Variants in PSMA1 observed in about 807,000 individuals in gnomAD.
PSMA1 encodes proteasome subunit alpha type-1.
PSMA1 carries 3 observed loss-of-function variants against 38.4 expected under a neutral mutation model. The observed-to-expected ratio is 0.08, with a 90% confidence interval of 0.04 to 0.20. The LOEUF is 0.20. Among genes scored for constraint, PSMA1 ranks in the 10% least tolerant of loss-of-function variants. The pLI, the probability that PSMA1 is intolerant of heterozygous loss-of-function variation, is 1.00. For synonymous variants in PSMA1, 101 were observed against 107.1 expected, an observed-to-expected ratio of 0.94 and a Z score of 0.35; for missense variants, 227 against 325.3, an observed-to-expected ratio of 0.70 and a Z score of 2.32.
chr11:14,629,451 C>T (rs998109567), intron 1 of PSMA1, among the ~76,000 whole-genome samples: 3 of 152,022 alleles, frequency 2.0e-5, no homozygotes, highest in Non-Finnish European at 4.4e-5. Flanking sequence ...TTGTTTTTCT[C>T]AGGTTTGTCA....
chr11:14,612,566 T>C (rs1227988385), intron 1 of PSMA1, among the ~76,000 whole-genome samples: 1 of 152,182 alleles, frequency 6.6e-6, no homozygotes, highest in East Asian at 1.9e-4. Flanking sequence ...GTTTCTTAAT[T>C]CATTCTACTA....
At chr11:14,588,312 T>A (rs16930358) in intron 2 of PSMA1, among the ~76,000 whole-genome samples, 12,296 of 152,236 alleles carry the variant, frequency 0.081, 525 homozygotes, top group East Asian at 0.13. Flanking sequence ...ATGGTGGAGC[T>A]ATAACCATGC....
At chr11:14,510,832 T>C in intron 8 of PSMA1, 40 bp downstream of exon 8, 11 of 1,427,014 alleles carry the variant, frequency 7.7e-6, no homozygotes, top group Non-Finnish European at 1.1e-5. Flanking sequence ...AGGTTTAAAC[T>C]GTAACGTTAA....
chr11:14,527,415 C>A (rs2134157392), intron 2 of PSMA1, among the ~76,000 whole-genome samples: 1 of 152,298 alleles, frequency 6.6e-6, no homozygotes, highest in East Asian at 1.9e-4. Flanking sequence ...CATTTCATAA[C>A]CTCTTCCATG....
chr11:14,521,779 C>A (rs2575839), upstream of PSMA1, among the ~76,000 whole-genome samples: 91,955 of 140,706 alleles, frequency 0.65, 30,339 homozygotes, highest in African/African-American at 0.69. Flanking sequence ...AAAAAAAAAA[C>A]AAAAAACAAA....
chr11:14,528,062 C>T (rs889436938), intron 2 of PSMA1, among the ~76,000 whole-genome samples: 17 of 151,930 alleles, frequency 1.1e-4, no homozygotes, highest in Non-Finnish European at 1.6e-4. Context: ...CTTTGCATTT[C>T]TCTTTCCTCC....
chr11:14,604,441 C>A (rs1287937753), intron 2 of PSMA1, among the ~76,000 whole-genome samples: 1 of 152,062 alleles, frequency 6.6e-6, no homozygotes, highest in Non-Finnish European at 1.5e-5. Context: ...GGCCCCAATG[C>A]AAAGATAAAA....
At chr11:14,508,310 T>C (rs1851280782) in intron 8 of PSMA1, among the ~76,000 whole-genome samples, 1 of 152,042 alleles carries the variant, frequency 6.6e-6, no homozygotes, top group Non-Finnish European at 1.5e-5. Context: ...GTTCCCACTG[T>C]ATCCACTCTT....
intron 1 of PSMA1, among the ~76,000 whole-genome samples, chr11:14,642,111 GCA>G (rs200574086): frequency 2.0e-5 from 3 of 150,850 alleles, no homozygotes; most frequent in Admixed American, 1.3e-4. Flanking sequence ...ACACGCACAT[GCA>G]CACACACACA....
intron 1 of PSMA1, among the ~76,000 whole-genome samples, chr11:14,630,301 T>C (rs986889199): frequency 6.6e-6 from 1 of 152,194 alleles, no homozygotes; most frequent in African/African-American, 2.4e-5. Context: ...GGCTGTGGGT[T>C]TCTCATAGAT....
intron 2 of PSMA1, among the ~76,000 whole-genome samples, chr11:14,591,732 T>C (rs1852418034): frequency 6.6e-6 from 1 of 152,070 alleles, no homozygotes; most frequent in Non-Finnish European, 1.5e-5. Context: ...TGTATCTAGC[T>C]CAGGGATTGT....
intron 2 of PSMA1, among the ~76,000 whole-genome samples, chr11:14,527,625 C>T (rs1238660008): frequency 6.6e-6 from 1 of 152,204 alleles, no homozygotes; most frequent in African/African-American, 2.4e-5. Context: ...ACTTTACTCA[C>T]ATGCCTCGAG....
At chr11:14,620,385 C>G (rs1250207288) in intron 1 of PSMA1, among the ~76,000 whole-genome samples, 1 of 152,172 alleles carries the variant, frequency 6.6e-6, no homozygotes, top group African/African-American at 2.4e-5. Context: ...AAGGCCACAG[C>G]AGTGTTGGGA....
At chr11:14,594,571 A>G (rs137894579) in intron 2 of PSMA1, among the ~76,000 whole-genome samples, 1 of 152,192 alleles carries the variant, frequency 6.6e-6, no homozygotes, top group Non-Finnish European at 1.5e-5. Context: ...ATTTTCTGTT[A>G]ATCAAAATTG....
At chr11:14,633,847 GT>G (rs990388987) in intron 1 of PSMA1, among the ~76,000 whole-genome samples, 6 of 152,274 alleles carry the variant, frequency 3.9e-5, no homozygotes, top group Admixed American at 6.5e-5. Context: ...GTGATGCGCC[GT>G]TTTTTAAGTC....
chr11:14,556,662 T>C (rs1225216057), intron 2 of PSMA1, among the ~76,000 whole-genome samples: 1 of 152,200 alleles, frequency 6.6e-6, no homozygotes, highest in Non-Finnish European at 1.5e-5. Flanking sequence ...CTGCTTACTC[T>C]TGAGAAAAAA....
intron 2 of PSMA1, among the ~76,000 whole-genome samples, chr11:14,562,749 C>G (rs370832526): frequency 6.6e-6 from 1 of 151,926 alleles, no homozygotes; most frequent in African/African-American, 2.4e-5. Context: ...CCCAGCCTCC[C>G]GAGTAGCCCG....
At chr11:14,612,041 C>G (rs1289820523) in intron 1 of PSMA1, among the ~76,000 whole-genome samples, 1 of 152,210 alleles carries the variant, frequency 6.6e-6, no homozygotes, top group Non-Finnish European at 1.5e-5. Context: ...GTAAGTGCAT[C>G]TCTAAAGCTG....
chr11:14,512,730 GTTATT>G (rs1565032481), intron 7 of PSMA1, among the ~76,000 whole-genome samples: 1 of 152,146 alleles, frequency 6.6e-6, no homozygotes, highest in Non-Finnish European at 1.5e-5. Context: ...CCTATGTACT[GTTATT>G]TTATTGTTAA....
Sources: gnomAD v4.1 joint callset for allele counts (sites outside exome capture counted in the v4.1 genomes callset) on GRCh38, gnomAD v4.1.1 for gene constraint, MANE v1.5 for transcripts, NCBI Gene and HGNC (gene_info 2026-07-23, HGNC 2026-07-21) for gene names.